Variants in GMDS observed in about 807,000 individuals in gnomAD.
The protein encoded by GMDS is GDP-mannose 4,6 dehydratase.
A neutral mutation model predicts 49.9 loss-of-function variants in GMDS; 20 were observed. The observed-to-expected ratio is 0.40, with a 90% CI of 0.28 to 0.58. The LOEUF (loss-of-function observed/expected upper bound fraction) is 0.58. Ranked by LOEUF, GMDS falls within the 20% of genes least tolerant of loss-of-function variation. The pLI is 0.42. For missense variants in GMDS, 362 were observed against 481.4 expected, an observed-to-expected ratio of 0.75 and a Z score of 2.32; for synonymous variants, 177 against 178.6, an observed-to-expected ratio of 0.99 and a Z score of 0.07.
In GMDS at chr6:2,117,596, G is replaced by A. The variant is rs41300831; in HGVS notation, c.148-40C>T. The A allele has an allele frequency of 5.4e-3, 5,404 of 1,002,186 alleles. 27 individuals carry two copies. Among genetic ancestry groups the A allele is most frequent in the Middle Eastern group, 7.1e-3 (35 of 4,904 alleles). The allele number at this position is 1,002,186 out of a possible 1,614,324, so 62.1% of individuals were successfully genotyped here. ...TGTGGAAAGATAAATGTGCAATGAG[G>A]ACTAATAAACAACTTCTTTAGCTAA... On this transcript the variant is annotated intron_variant, in intron 2 of 10. Transcript: ENST00000380815.
chr6:2,221,327 T>G (rs1192384462), intron 1 of GMDS, among the ~76,000 whole-genome samples: 1 of 152,260 alleles, frequency 6.6e-6, no homozygotes, highest in Non-Finnish European at 1.5e-5. Flanking sequence ...TTTTATTATT[T>G]TAATCAAGCT....
At chr6:2,094,413 C>T (rs1467585404) in intron 4 of GMDS, among the ~76,000 whole-genome samples, 1 of 152,202 alleles carries the variant, frequency 6.6e-6, no homozygotes, top group Non-Finnish European at 1.5e-5. Flanking sequence ...GACCAAATAT[C>T]TGAGGAAAAC....
chr6:1,909,683 C>T (rs959110170), intron 7 of GMDS, among the ~76,000 whole-genome samples: 7 of 152,214 alleles, frequency 4.6e-5, no homozygotes, highest in African/African-American at 1.7e-4. Context: ...GGGGAGAAGA[C>T]TGAGAAGAGT....
chr6:2,028,146 T>G (rs998859419), intron 4 of GMDS, among the ~76,000 whole-genome samples: 1 of 152,224 alleles, frequency 6.6e-6, no homozygotes, highest in African/African-American at 2.4e-5. Context: ...AACAAACATC[T>G]TTATGTGTAA....
At chr6:2,207,600 C>A (rs1231834533) in intron 1 of GMDS, among the ~76,000 whole-genome samples, 1 of 151,962 alleles carries the variant, frequency 6.6e-6, no homozygotes, top group Non-Finnish European at 1.5e-5. Context: ...TCAAATTGCC[C>A]ATTAACTTGT....
intron 4 of GMDS, among the ~76,000 whole-genome samples, chr6:2,034,609 C>A (rs994111128): frequency 2.0e-5 from 3 of 152,098 alleles, no homozygotes; most frequent in Non-Finnish European, 4.4e-5. Flanking sequence ...TCCTTTTTAC[C>A]TCTGGGTTGC....
chr6:1,654,176 A>C (rs1763800864), intron 9 of GMDS, among the ~76,000 whole-genome samples: 1 of 152,246 alleles, frequency 6.6e-6, no homozygotes. Flanking sequence ...AAAACTCTGC[A>C]GTCGTAATGG....
At chr6:2,154,655 T>C (rs1442051888) in intron 1 of GMDS, among the ~76,000 whole-genome samples, 1 of 152,014 alleles carries the variant, frequency 6.6e-6, no homozygotes, top group Admixed American at 6.6e-5. Flanking sequence ...AACGTTGTTC[T>C]CTTGACTAAT....
Position 2,245,341 on chromosome 6 carries a change from T to G in GMDS, c.82A>C (p.Ile28Leu), listed in dbSNP as rs539380910. ...CTCACCTGGCCTGTGATACCGGTGA[T>G]GAGCGCCACGTTCCTGGGCTTGCCC... is the stretch of plus-strand genomic sequence containing the variant. Reference protein sequence around the residue: ...EMGKPRNVALITGITGQDGSY... With the variant: ...EMGKPRNVALLTGITGQDGSY... The change falls in exon 1 of 11, where the codon ATC (isoleucine) becomes CTC (leucine). Residue 28 changes from isoleucine to leucine, a missense_variant. Transcript: ENST00000380815. 5.2e-6 allele frequency: 8 copies of G among 1,552,046 alleles called. No individual in the cohort carries two copies. The South Asian group carries it at 7.0e-5, about 14-fold the overall frequency.
intron 6 of GMDS, chr6:1,949,149 T>G: frequency 3.2e-6 from 1 of 312,924 alleles, no homozygotes; most frequent in Non-Finnish European, 4.7e-6. Flanking sequence ...AAATATGAAA[T>G]AAATCTTCAA....
At chr6:2,027,115 T>G (rs1187529505) in intron 4 of GMDS, among the ~76,000 whole-genome samples, 4 of 152,156 alleles carry the variant, frequency 2.6e-5, no homozygotes, top group African/African-American at 9.7e-5. Flanking sequence ...AATGGCTCCA[T>G]GAAGAAGAGG....
intron 4 of GMDS, among the ~76,000 whole-genome samples, chr6:2,076,491 C>A (rs1362661111): frequency 1.3e-5 from 2 of 152,176 alleles, no homozygotes; most frequent in Non-Finnish European, 2.9e-5. Context: ...GGAGGCATCA[C>A]GCTACCTGAC....
chr6:2,005,683 G>T (rs1274134919), intron 4 of GMDS, among the ~76,000 whole-genome samples: 1 of 152,020 alleles, frequency 6.6e-6, no homozygotes, highest in African/African-American at 2.4e-5. Flanking sequence ...CAGTGTGTTC[G>T]ACCTCAAAGA....
intron 7 of GMDS, among the ~76,000 whole-genome samples, chr6:1,821,565 T>C (rs1770895321): frequency 6.6e-6 from 1 of 151,272 alleles, no homozygotes; most frequent in Non-Finnish European, 1.5e-5. Context: ...ATATATAAAC[T>C]GTGTAACCAT....
rs372381608 is a variant in GMDS at position 2,239,197 on chromosome 6, C to T, written c.102+6124G>A. 2.6e-5 allele frequency among the ~76,000 whole-genome samples: 4 copies of T among 151,996 alleles called. No individual in the cohort carries two copies. In the East Asian group the frequency reaches 5.8e-4, roughly 22 times the overall value. On this transcript the variant is annotated intron_variant, in intron 1 of 10. Coordinates refer to ENST00000380815, the MANE Select transcript of GMDS (RefSeq NM_001500.4). ...TACAAAAATTAGTTGGGCGTGGTAG[C>T]GCACGCCTGTAATCCCAGCTACTCA...
chr6:1,686,070 C>T (rs1351929779), intron 9 of GMDS, among the ~76,000 whole-genome samples: 2 of 152,050 alleles, frequency 1.3e-5, no homozygotes, highest in Non-Finnish European at 2.9e-5. Context: ...TCTTTTTGGC[C>T]GTGGGTCTGG....
intron 6 of GMDS, among the ~76,000 whole-genome samples, chr6:1,949,554 T>C (rs1030088065): frequency 1.3e-5 from 2 of 152,254 alleles, no homozygotes; most frequent in African/African-American, 4.8e-5. Flanking sequence ...AATCAGCACC[T>C]GCATTAGACC....
intron 7 of GMDS, among the ~76,000 whole-genome samples, chr6:1,822,470 GTAA>G (rs890728789): frequency 6.6e-6 from 1 of 152,128 alleles, no homozygotes; most frequent in Non-Finnish European, 1.5e-5. Flanking sequence ...ACAAACTCCG[GTAA>G]TAATCTGACG....
intron 7 of GMDS, among the ~76,000 whole-genome samples, chr6:1,906,748 A>G (rs1006332783): frequency 2.0e-5 from 3 of 152,162 alleles, no homozygotes; most frequent in Admixed American, 6.5e-5. Context: ...AGGGAGGACA[A>G]GGAAAGGAGT....
Sources: gnomAD v4.1 joint callset for allele counts (sites outside exome capture counted in the v4.1 genomes callset) on GRCh38, gnomAD v4.1.1 for gene constraint, MANE v1.5 for transcripts, NCBI Gene and HGNC (gene_info 2026-07-23, HGNC 2026-07-21) for gene names.